KIAA0319L: variants seen among roughly 807,000 people sequenced by gnomAD.
The protein encoded by KIAA0319L is KIAA0319 like.
A neutral mutation model predicts 120.1 loss-of-function variants in KIAA0319L; 55 were observed. The ratio of observed to expected loss-of-function variants is 0.46; its 90% confidence interval spans 0.37 to 0.57. The LOEUF is 0.57. Among genes scored for constraint, KIAA0319L ranks in the 20% least tolerant of loss-of-function variants. The pLI, the probability that KIAA0319L is intolerant of heterozygous loss-of-function variation, is 0.00. For synonymous variants in KIAA0319L, 398 were observed against 471.9 expected (o/e 0.84, Z 2.03); for missense variants, 1,049 against 1,255.3 (o/e 0.84, Z 2.48).
At chr1:35,460,865 TG>T (rs1193724001) in intron 8 of KIAA0319L, among the ~76,000 whole-genome samples, 1 of 152,214 alleles carries the variant, frequency 6.6e-6, no homozygotes, top group Admixed American at 6.5e-5. Flanking sequence ...TCATTAGTCA[TG>T]GTATAAGCAT....
chr1:35,496,746 C>T (rs1363336243), intron 3 of KIAA0319L, among the ~76,000 whole-genome samples: 1 of 151,996 alleles, frequency 6.6e-6, no homozygotes, highest in Non-Finnish European at 1.5e-5. Flanking sequence ...GAGTTTGAGA[C>T]CAGCCTGGCC....
chr1:35,443,139 A>C, intron 17 of KIAA0319L, 111 bp from the exon 18 acceptor site: 1 of 1,335,074 alleles, frequency 7.5e-7, no homozygotes, highest in South Asian at 1.3e-5. Context: ...CTATGTGGTG[A>C]AATGTCCTCG....
At position 35,464,734 on chromosome 1, in the gene KIAA0319L, A is replaced by T. The variant is rs192131565; in HGVS notation, c.1201+1874T>A. 1.3e-3 allele frequency among the ~76,000 whole-genome samples: 197 copies of T among 152,292 alleles called. 1 individual carries two copies. Among genetic ancestry groups the T allele is most frequent in the African/African-American group, 4.6e-3 (193 of 41,578 alleles). ...TCATAGCAGCCCTCACAGGGGCTGG[A>T]GGCCTGGAGGCCTAGGAGGGAAAAA... On this transcript the variant is annotated intron_variant, in intron 7 of 20. Transcript: ENST00000325722.
chr1:35,442,087 G>C (rs909931106), intron 19 of KIAA0319L, among the ~76,000 whole-genome samples, 159 bp downstream of exon 19: 3 of 151,982 alleles, frequency 2.0e-5, no homozygotes, highest in Admixed American at 6.6e-5. Context: ...GTCTCAGGGT[G>C]AGCAAAGCTG....
At chr1:35,442,007 T>C (rs1345317221) in intron 19 of KIAA0319L, among the ~76,000 whole-genome samples, 1 of 152,112 alleles carries the variant, frequency 6.6e-6, no homozygotes, top group East Asian at 1.9e-4. Context: ...CGCCCAGCCA[T>C]GTTTCCCAGG....
Position 35,437,232 on chromosome 1 carries a change from C to G in KIAA0319L, c.2963-2151G>C, listed in dbSNP as rs972014738. On this transcript the variant is annotated intron_variant, in intron 20 of 20. Transcript: ENST00000325722. This position sits in a 1 kb window ranked among gnomAD's most constrained non-coding sequence, Gnocchi z 4.1. ...CTCCCATCCAATCTCACCTCTGCAG[C>G]GCGGCACTTCTCCGGGCCATCACCG... is the stretch of plus-strand genomic sequence containing the variant. Among the ~76,000 whole-genome samples the G allele has an allele frequency of 6.6e-6, 1 of 152,152 alleles. No individual in the cohort carries two copies. Among genetic ancestry groups the G allele is most frequent in the Non-Finnish European group, 1.5e-5 (1 of 68,040 alleles).
In KIAA0319L at chr1:35,510,248, C is replaced by T. The variant is rs1053829242; in HGVS notation, c.143-3113G>A. 3.3e-5 allele frequency: 5 copies of T among 152,238 alleles called. No homozygotes were observed. In the Middle Eastern group the frequency reaches 0.01, roughly 311 times the overall value. 9.4% of individuals were successfully genotyped at this position (152,238 alleles called of 1,614,324 possible). ...TCAAATCATCATAAGCTCACACAGG[C>T]GAGCAACTTTACAGATGTACTGAAT... On this transcript the variant is annotated intron_variant, in intron 2 of 20. Coordinates refer to ENST00000325722, the MANE Select transcript of KIAA0319L (RefSeq NM_024874.5).
rs576058726 is a variant in KIAA0319L, at chr1:35,442,620, C to T, written c.2780-284G>A. Among the ~76,000 whole-genome samples, 10 of 152,318 alleles carry T rather than the reference C, an allele frequency of 6.6e-5. No individual in the cohort carries two copies. The South Asian group carries it at 8.3e-4, about 13-fold the overall frequency. On this transcript the variant is annotated intron_variant, in intron 18 of 20. Coordinates refer to ENST00000325722, the MANE Select transcript of KIAA0319L (RefSeq NM_024874.5). ...CGAGGGCTTCCATTAGGCTACAGCA[C>T]GGAGGCACTCCAAAAGACAGGAGGC...
At chr1:35,465,196 C>T (rs985532903) in intron 7 of KIAA0319L, among the ~76,000 whole-genome samples, 10 of 152,184 alleles carry the variant, frequency 6.6e-5, no homozygotes, top group African/African-American at 2.4e-4. Flanking sequence ...TTGCACTATG[C>T]ACCCGGAAAA....
chr1:35,551,091 A>G (rs1647182052), intron 2 of KIAA0319L, among the ~76,000 whole-genome samples: 1 of 152,130 alleles, frequency 6.6e-6, no homozygotes, highest in African/African-American at 2.4e-5. Context: ...AGGGCTCTTG[A>G]TATTTATGCC....
At chr1:35,540,226 G>A (rs993841096) in intron 2 of KIAA0319L, among the ~76,000 whole-genome samples, 9 of 152,302 alleles carry the variant, frequency 5.9e-5, no homozygotes, top group East Asian at 3.9e-4. Context: ...TTTGGACAGC[G>A]TCTGTGATGG....
At position 35,506,758 on chromosome 1, in the gene KIAA0319L, C is replaced by T. The variant is rs1645220559; in HGVS notation, c.520G>A (p.Val174Ile). Residue 174 changes from valine to isoleucine, a missense_variant, in exon 3 of 21, where the codon GTA (valine) becomes ATA (isoleucine). Transcript: ENST00000325722. This position sits in a 1 kb window ranked among gnomAD's most constrained non-coding sequence, Gnocchi z 4.0. ...AAGCTCTGCTGGTCACTGGAAGATA[C>T]AGCAGGTCTGAGTGCAGCTCTGGGT... The part of the protein sequence containing the change: ...SPPRAALRPA[V>I]SSSDQQSLIR... The T allele has an allele frequency of 3.1e-6, 5 of 1,614,104 alleles. No homozygotes were observed. Among genetic ancestry groups the T allele is most frequent in the African/African-American group, 1.3e-5 (1 of 74,930 alleles).
chr1:35,482,117 C>A (rs1392765147), intron 3 of KIAA0319L, among the ~76,000 whole-genome samples: 1 of 152,094 alleles, frequency 6.6e-6, no homozygotes, highest in Non-Finnish European at 1.5e-5. Context: ...AGCCACCACG[C>A]CCGGCCTGCT....
chr1:35,526,257 T>C (rs1333813884), intron 2 of KIAA0319L, among the ~76,000 whole-genome samples: 1 of 148,048 alleles, frequency 6.8e-6, no homozygotes, highest in Admixed American at 6.8e-5. Flanking sequence ...GAATTTTATA[T>C]ACATATATAT....
Position 35,466,485 on chromosome 1 carries a change from T to C in KIAA0319L, c.1201+123A>G, listed in dbSNP as rs1643272069. On this transcript the variant is annotated intron_variant, in intron 7 of 20. Coordinates refer to ENST00000325722, the MANE Select transcript of KIAA0319L (RefSeq NM_024874.5). ...ATTGTAACTATTCACCACATTGAAC[T>C]AGGAATTGCTGAATAAATACATTAC... 2.6e-5 allele frequency: 17 copies of C among 655,104 alleles called. No homozygotes were observed. In the East Asian group the frequency reaches 4.3e-4, roughly 17 times the overall value. 40.6% of individuals were successfully genotyped at this position (655,104 alleles called of 1,614,324 possible).
intron 1 of KIAA0319L, chr1:35,554,755 T>A (rs1647684257): frequency 3.3e-6 from 1 of 304,862 alleles, no homozygotes; most frequent in Non-Finnish European, 5.9e-6. Flanking sequence ...AACTTTATAT[T>A]CCTTTTTTTT....
intron 13 of KIAA0319L, among the ~76,000 whole-genome samples, chr1:35,451,170 G>A (rs1444631589): frequency 1.3e-5 from 2 of 152,168 alleles, no homozygotes; most frequent in African/African-American, 4.8e-5. Flanking sequence ...CAAGGCCTCT[G>A]GCTGGCCTCA....
At chr1:35,528,907 C>T (rs1304041810) in intron 2 of KIAA0319L, among the ~76,000 whole-genome samples, 1 of 152,174 alleles carries the variant, frequency 6.6e-6, no homozygotes, top group Non-Finnish European at 1.5e-5. Flanking sequence ...TTACCTGATA[C>T]AAGTAAAGCT....
At chr1:35,544,262 G>T (rs1646901774) in intron 2 of KIAA0319L, among the ~76,000 whole-genome samples, 1 of 151,738 alleles carries the variant, frequency 6.6e-6, no homozygotes, top group Admixed American at 6.6e-5. Flanking sequence ...CCAGCTACTC[G>T]GGAGGCTGAG....
Sources: gnomAD v4.1 joint callset for allele counts (sites outside exome capture counted in the v4.1 genomes callset) on GRCh38, gnomAD v4.1.1 for gene constraint, Gnocchi (gnomAD v3.1) non-coding constraint, MANE v1.5 for transcripts, NCBI Gene and HGNC (gene_info 2026-07-23, HGNC 2026-07-21) for gene names.